SON: variants seen among roughly 807,000 people sequenced by gnomAD.
SON encodes protein SON.
Under a neutral mutation model 173.3 loss-of-function variants are expected in SON, and 4 were observed. That is an observed-to-expected ratio of 0.02 (90% CI 0.01 to 0.05). The LOEUF (loss-of-function observed/expected upper bound fraction) is 0.05. SON is among the 10% of genes least tolerant of loss of function. The pLI is 1.00. For synonymous variants in SON, 1,190 were observed against 1,105.9 expected (o/e 1.08, Z -1.51); for missense variants, 2,626 against 3,055.3 (o/e 0.86, Z 3.31).
intron 2 of SON, 100 bp downstream of exon 2, chr21:33,546,479 T>C: frequency 1.0e-6 from 1 of 999,592 alleles, no homozygotes; most frequent in Non-Finnish European, 1.5e-6. Context: ...TTAAGATATT[T>C]ATTAAATTAA....
Position 33,554,973 on chromosome 21 carries a change from C to A in SON, c.5742C>A (p.Asn1914Lys), listed in dbSNP as rs1258738609. Residue 1914 changes from asparagine to lysine, a missense_variant, in exon 3 of 12, where the codon AAC becomes AAA. By Grantham distance (94) the Asn-to-Lys change is moderately conservative. Coordinates refer to ENST00000356577, the MANE Select transcript of SON (RefSeq NM_138927.4). Reference protein sequence around the residue: ...RKRKRSSSRDNRKTVRARSRT... With the variant: ...RKRKRSSSRDKRKTVRARSRT... ...GAAAAAGATCAAGCTCCAGGGATAA[C>A]CGAAAGACAGTTAGAGCTCGAAGTC... 4.3e-6 allele frequency: 7 copies of A among 1,613,672 alleles called. No homozygotes were observed. Among genetic ancestry groups the A allele is most frequent in the Non-Finnish European group, 5.9e-6 (7 of 1,180,006 alleles).
chr21:33,552,520 T>A lies in SON; in HGVS notation c.3289T>A (p.Ser1097Thr). Reference protein sequence around the residue: ...GADRSMMSSYSAADRSMMSSY... With the variant: ...GADRSMMSSYTAADRSMMSSY... ...TGACCGGTCTATGATGTCGTCATAC[T>A]CTGCTGCTGACCGGTCTATGATGTC... The change falls in exon 3 of 12, where the codon TCT becomes ACT. Residue 1097 changes from serine (S) to threonine (T), a missense_variant. Physicochemically the swap from Ser to Thr is moderately conservative, Grantham distance 58. Transcript: ENST00000356577. This position sits in a 1 kb window ranked among gnomAD's most constrained non-coding sequence, Gnocchi z 5.6. 6.2e-7 allele frequency: 1 copy of A among 1,614,046 alleles called. No homozygotes were observed. The highest frequency in any genetic ancestry group is 1.1e-5 in the South Asian group (1 of 91,086).
At chr21:33,570,929 G>A (rs1400702191) in intron 8 of SON, among the ~76,000 whole-genome samples, 1 of 152,132 alleles carries the variant, frequency 6.6e-6, no homozygotes, top group Non-Finnish European at 1.5e-5. Context: ...CTTTTAAAAA[G>A]TGAATCTTTT....
intron 4 of SON, chr21:33,557,805 C>T: frequency 9.9e-7 from 1 of 1,010,246 alleles, no homozygotes; most frequent in Admixed American, 3.5e-5. Flanking sequence ...CGGGTTTTGG[C>T]TGTTTGGTAC....
chr21:33,571,071 T>G (rs1244753124), intron 8 of SON, among the ~76,000 whole-genome samples: 1 of 152,198 alleles, frequency 6.6e-6, no homozygotes, highest in Non-Finnish European at 1.5e-5. Flanking sequence ...ATATTTTATG[T>G]AAGATATACT....
At chr21:33,567,304 C>T (rs775743669) in intron 7 of SON, 37 bp downstream of exon 7, 14 of 1,150,232 alleles carry the variant, frequency 1.2e-5, no homozygotes, top group South Asian at 2.5e-5. Flanking sequence ...TATTATTTAC[C>T]ATCAGCCAAC....
At chr21:33,572,226 C>T (rs1306985150) in intron 8 of SON, 2 of 147,578 alleles carry the variant, frequency 1.4e-5, no homozygotes, top group African/African-American at 2.5e-5. Flanking sequence ...ACATAAAAAC[C>T]TAAAATTTAG....
intron 1 of SON, chr21:33,543,480 G>T: frequency 4.9e-6 from 2 of 405,506 alleles, no homozygotes; most frequent in East Asian, 5.2e-5. Flanking sequence ...CCGGTTGTCC[G>T]CCAGGGACGG....
Position 33,546,306 on chromosome 21 carries a change from A to C in SON, c.171A>C (p.Pro57=). ...CAGCTGCCTCTGCCAGGAGTCTACC[A>C]AATGAAGAAATAGTGCAGAAGATAG... ...GDAAASARSL[P]NEEIVQKIEE... Residue 57 remains proline (P), a synonymous_variant, in exon 2 of 12, where the codon CCA becomes CCC. Transcript: ENST00000356577. 1 of 1,613,844 alleles carries C rather than the reference A, an allele frequency of 6.2e-7. No homozygotes were observed. Among genetic ancestry groups the C allele is most frequent in the East Asian group, 2.2e-5 (1 of 44,856 alleles).
rs772977953 is a variant in SON, at chr21:33,549,531, T to C, written c.300T>C (p.Thr100=). Reference sequence around the variant, plus strand: ...GCGTATCTGTACAAACAGATCCTACTGATGAAATTCCCACTAAAAAGTCAA... The same window carrying C: ...GCGTATCTGTACAAACAGATCCTACCGATGAAATTCCCACTAAAAAGTCAA... The part of the protein sequence containing the change: ...SRCVSVQTDP[T]DEIPTKKSKK... The change falls in exon 3 of 12, where the codon ACT becomes ACC. Residue 100 remains threonine, a synonymous_variant. Transcript: ENST00000356577. The C allele has an allele frequency of 6.3e-7, 1 of 1,579,764 alleles. No individual in the cohort carries two copies. Among genetic ancestry groups the C allele is most frequent in the South Asian group, 1.2e-5 (1 of 83,134 alleles).
intron 6 of SON, among the ~76,000 whole-genome samples, chr21:33,562,861 T>G (rs1334386015): frequency 6.6e-6 from 1 of 152,142 alleles, no homozygotes; most frequent in African/African-American, 2.4e-5. Flanking sequence ...ATAAGTGGAG[T>G]AGTAACTACT....
intron 2 of SON, among the ~76,000 whole-genome samples, chr21:33,547,453 A>T (rs192932622): frequency 6.6e-6 from 1 of 152,314 alleles, no homozygotes; most frequent in Non-Finnish European, 1.5e-5. Context: ...AGCCACAAAA[A>T]TAACAGTCAT....
intron 6 of SON, among the ~76,000 whole-genome samples, chr21:33,566,540 A>ATG (rs2086176404): frequency 8.3e-6 from 1 of 120,514 alleles, no homozygotes; most frequent in Non-Finnish European, 1.8e-5. Flanking sequence ...AGTGTAATAT[A>ATG]CTTAATATAA....
chr21:33,556,606 C>T lies in SON; in HGVS notation c.6161-550C>T, dbSNP rs142040440. Among the ~76,000 whole-genome samples, 307 of 151,134 alleles carry T rather than the reference C, an allele frequency of 2.0e-3. 1 individual carries two copies. Among genetic ancestry groups the T allele is most frequent in the African/African-American group, 7.1e-3 (292 of 41,034 alleles). ...GCACGCGCCTGTAGTCCCAGCTACTCGGGAGGCTGAGACAGGAGAATCACT... is the reference window on the plus strand; with the variant it reads ...GCACGCGCCTGTAGTCCCAGCTACTTGGGAGGCTGAGACAGGAGAATCACT... On this transcript the variant is annotated intron_variant, in intron 3 of 11. Transcript: ENST00000356577.
At position 33,550,527 on chromosome 21, in the gene SON, G is replaced by A. The variant is rs771669140; in HGVS notation, c.1296G>A (p.Ala432=). 2.0e-5 allele frequency: 32 copies of A among 1,613,480 alleles called. No individual in the cohort carries two copies. The highest frequency in any genetic ancestry group is 1.2e-4 in the Admixed American group (7 of 59,990). ...TGCCTGAGTTGCCAGGGCCCCCTGC[G>A]ACAGCAGTGCCTGAGTTGCCAGGGC... ...TPVPELPGPP[A]TAVPELPGPS... is the part of the protein sequence containing the mutation. Residue 432 remains alanine, a synonymous_variant, in exon 3 of 12, where the codon GCG becomes GCA. Transcript: ENST00000356577.
In SON at chr21:33,550,166, C is replaced by T. The variant is rs771094862; in HGVS notation, c.935C>T (p.Thr312Ile). ...GAAACCCTTGTGGTATCATCAGAGA[C>T]ACCTACTGAGGTGTACCCTGAGCCA... ...PSETLVVSSETPTEVYPEPST... is the reference protein window; with the variant it reads ...PSETLVVSSEIPTEVYPEPST... Residue 312 changes from threonine (T) to isoleucine (I), a missense_variant, in exon 3 of 12, where the codon ACA becomes ATA. By Grantham distance (89) the Thr-to-Ile change is moderately conservative. This residue lies in a region of SON where 757 missense variants were observed against 730.1 expected (regional missense o/e 1.04). Coordinates refer to ENST00000356577, the MANE Select transcript of SON (RefSeq NM_138927.4). 2 of 1,614,206 alleles carry T rather than the reference C, an allele frequency of 1.2e-6. No individual in the cohort carries two copies. Among genetic ancestry groups the T allele is most frequent in the South Asian group, 2.2e-5 (2 of 91,086 alleles).
intron 3 of SON, among the ~76,000 whole-genome samples, chr21:33,556,695 CAG>C (rs2085973315): frequency 7.8e-6 from 1 of 128,704 alleles, no homozygotes; most frequent in Non-Finnish European, 1.6e-5. Flanking sequence ...GCCTGGGCGA[CAG>C]AGTGAGACTG....
At chr21:33,555,562 TATTATA>T (rs1254083871) in intron 3 of SON, among the ~76,000 whole-genome samples, 171 bp downstream of exon 3, 5 of 152,252 alleles carry the variant, frequency 3.3e-5, no homozygotes, top group African/African-American at 1.2e-4. Context: ...GGGATCAGTG[TATTATA>T]ATTAGAGTTA....
Position 33,573,813 on chromosome 21 carries a change from T to A in SON, c.7033+358T>A, listed in dbSNP as rs577838461. Among the ~76,000 whole-genome samples the A allele has an allele frequency of 2.0e-5, 3 of 152,288 alleles. No homozygotes were observed. The East Asian group carries it at 5.8e-4, about 29-fold the overall frequency. ...CAAGGAACCATCCTTTTTTCTAGAGTTTAGTTTATTTTTTGTTAGATATTT... is the reference window on the plus strand; with the variant it reads ...CAAGGAACCATCCTTTTTTCTAGAGATTAGTTTATTTTTTGTTAGATATTT... On this transcript the variant is annotated intron_variant, in intron 9 of 11. Coordinates refer to ENST00000356577, the MANE Select transcript of SON (RefSeq NM_138927.4).
Sources: gnomAD v4.1 joint callset for allele counts (sites outside exome capture counted in the v4.1 genomes callset) on GRCh38, gnomAD v4.1.1 for gene constraint, gnomAD v4.1.1 regional missense constraint, Gnocchi (gnomAD v3.1) non-coding constraint, MANE v1.5 for transcripts, NCBI Gene and HGNC (gene_info 2026-07-23, HGNC 2026-07-21) for gene names.